The following ATP7A variants were observed in gnomAD, a reference collection of about 807,000 sequenced individuals.
ATP7A encodes the protein ATPase copper transporting alpha.
A neutral mutation model predicts 83.5 loss-of-function variants in ATP7A; 7 were observed. The ratio of observed to expected loss-of-function variants is 0.08; its 90% confidence interval spans 0.05 to 0.16. The LOEUF (loss-of-function observed/expected upper bound fraction) is 0.16, where lower values mean the gene tolerates loss of function less well. Ranked by LOEUF, ATP7A falls within the 10% of genes least tolerant of loss-of-function variation. The pLI, the probability that ATP7A is intolerant of heterozygous loss-of-function variation, is 1.00. For synonymous variants in ATP7A, 354 were observed against 395.2 expected (o/e 0.90, Z 1.24); for missense variants, 940 against 1,120.8 (o/e 0.84, Z 2.30).
chrX:77,997,314 A>G lies in ATP7A; in HGVS notation c.1337-1164A>G, dbSNP rs142806619. 7.5e-3 allele frequency among the ~76,000 whole-genome samples: 846 copies of G among 112,682 alleles called. 13 individuals carry two copies. The highest frequency in any genetic ancestry group is 0.026 in the African/African-American group (808 of 31,089). On this transcript the variant is annotated intron_variant, in intron 4 of 22. Coordinates refer to ENST00000341514, the MANE Select transcript of ATP7A (RefSeq NM_000052.7). ...GTATTGAGTCAGAACCTGCATTTTA[A>G]CAAGCTCCCCCAGGTGATTGTGTAT...
chrX:77,918,238 T>A (rs1027860850), intron 1 of ATP7A, among the ~76,000 whole-genome samples: 7 of 109,522 alleles, frequency 6.4e-5, no homozygotes, highest in Admixed American at 9.8e-5. Flanking sequence ...GGCTAATTTT[T>A]AAAATTTTTT....
chrX:77,941,041 A>G (rs923568808), intron 1 of ATP7A, among the ~76,000 whole-genome samples: 1 of 112,005 alleles, frequency 8.9e-6, no homozygotes, highest in Admixed American at 9.5e-5. Flanking sequence ...AATAAGTACT[A>G]TTTATATATG....
At chrX:78,001,423 TC>T (rs1226975409) in intron 5 of ATP7A, among the ~76,000 whole-genome samples, 29 of 93,583 alleles carry the variant, frequency 3.1e-4, no homozygotes, top group Non-Finnish European at 5.2e-4. Context: ...AAATGGGGTA[TC>T]CATCTCTTCA....
At chrX:78,043,732 A>G (rs1235292836) in intron 21 of ATP7A, among the ~76,000 whole-genome samples, 2 of 97,796 alleles carry the variant, frequency 2.0e-5, no homozygotes, top group Non-Finnish European at 4.0e-5. Flanking sequence ...ATCTCGGCTC[A>G]CTGCAGCCTC....
In ATP7A at chrX:78,046,725, C is replaced by T; in HGVS notation, c.*155C>T. 1.3e-6 allele frequency: 1 copy of T among 744,529 alleles called. No homozygotes were observed. Among genetic ancestry groups the T allele is most frequent in the Non-Finnish European group, 2.0e-6 (1 of 500,959 alleles). The allele number at this position is 744,529 out of a possible 1,213,427, so 61.4% of individuals were successfully genotyped here. On this transcript the variant is annotated 3_prime_UTR_variant, in exon 23 of 23. Coordinates refer to ENST00000341514, the MANE Select transcript of ATP7A (RefSeq NM_000052.7). The stretch of plus-strand genomic sequence containing the variant: ...TGCGTTTATCTGTTGGCAAAAATAT[C>T]TTTTTCAAGGCATCAGCTCTGAACC...
At chrX:77,915,461 A>C (rs1557222416) in intron 1 of ATP7A, among the ~76,000 whole-genome samples, 1 of 110,942 alleles carries the variant, frequency 9.0e-6, no homozygotes, top group East Asian at 2.8e-4. Flanking sequence ...AGTTCCTTCA[A>C]ATTTCTAAAA....
At chrX:77,970,627 G>A (rs1301624922) in intron 1 of ATP7A, among the ~76,000 whole-genome samples, 11 of 111,677 alleles carry the variant, frequency 9.8e-5, no homozygotes, top group South Asian at 3.8e-4. Flanking sequence ...AACTGAGATC[G>A]TGCCACAGCA....
intron 2 of ATP7A, among the ~76,000 whole-genome samples, chrX:77,984,081 C>A (rs2077621043): frequency 9.0e-6 from 1 of 111,219 alleles, no homozygotes; most frequent in South Asian, 3.7e-4. Context: ...GACAAGCTGT[C>A]GAAATATTGG....
At chrX:78,043,463 T>C in intron 21 of ATP7A, 29 bp downstream of exon 21, 1 of 1,086,467 alleles carries the variant, frequency 9.2e-7, no homozygotes, top group Non-Finnish European at 1.3e-6. Context: ...GTACTGCTTT[T>C]TCCACTAAAG....
chrX:77,942,086 T>C (rs782770554), intron 1 of ATP7A, among the ~76,000 whole-genome samples: 1 of 112,394 alleles, frequency 8.9e-6, no homozygotes, highest in African/African-American at 3.2e-5. Flanking sequence ...CATATTGTCT[T>C]AGTTATCCAG....
intron 14 of ATP7A, among the ~76,000 whole-genome samples, chrX:78,028,346 G>A (rs782259341): frequency 1.3e-4 from 14 of 110,963 alleles, no homozygotes; most frequent in Non-Finnish European, 2.1e-4. Context: ...GTGCCACCAT[G>A]CCCAGCTAAT....
intron 1 of ATP7A, among the ~76,000 whole-genome samples, chrX:77,920,509 G>A (rs187947787): frequency 1.6e-4 from 18 of 111,127 alleles, no homozygotes; most frequent in Admixed American, 7.7e-4. Flanking sequence ...GAGCCACCGC[G>A]CCCGGCTGAG....
intron 9 of ATP7A, 94 bp downstream of exon 9, chrX:78,011,768 G>C (rs1438677438): frequency 2.6e-5 from 22 of 832,755 alleles, no homozygotes; most frequent in Admixed American, 4.4e-5. Flanking sequence ...ACTGATGTTA[G>C]CTAGAAGTCT....
At position 78,046,452 on chromosome X, in the gene ATP7A, C is replaced by A; in HGVS notation, c.4385C>A (p.Ala1462Asp). ...GACCGGATTGTTAATTATAGCAGAG[C>A]CTCTATAAACTCACTACTGTCTGAT... ...LLDRIVNYSR[A>D]SINSLLSDKR... Residue 1462 changes from alanine (A) to aspartate (D), a missense_variant, in exon 23 of 23, where the codon GCC (alanine) becomes GAC (aspartate). By Grantham distance (126) the Ala-to-Asp change is moderately radical. Around this residue, in one of 3 missense-constraint regions of ATP7A, gnomAD observed 386 missense variants for 502.2 expected, o/e 0.77. Transcript: ENST00000341514. The A allele has an allele frequency of 8.3e-7, 1 of 1,211,008 alleles. No individual in the cohort carries two copies. The highest frequency in any genetic ancestry group is 1.1e-6 in the Non-Finnish European group (1 of 895,202).
At chrX:78,009,043 C>T in intron 6 of ATP7A, 59 bp from the exon 7 acceptor site, 5 of 923,959 alleles carry the variant, frequency 5.4e-6, no homozygotes, top group South Asian at 4.2e-5. Context: ...AAAGTGGTAA[C>T]TCATGTTTAA....
chrX:77,941,047 A>G (rs934903155), intron 1 of ATP7A, among the ~76,000 whole-genome samples: 1 of 111,881 alleles, frequency 8.9e-6, no homozygotes, highest in Non-Finnish European at 1.9e-5. Context: ...TACTATTTAT[A>G]TATGTTGTTA....
At chrX:78,002,231 A>C (rs2077744316) in intron 5 of ATP7A, among the ~76,000 whole-genome samples, 1 of 107,306 alleles carries the variant, frequency 9.3e-6, no homozygotes, top group Admixed American at 1.0e-4. Context: ...CACCATGCCC[A>C]GCTAATTTTT....
intron 1 of ATP7A, among the ~76,000 whole-genome samples, chrX:77,965,043 A>C (rs1359190589): frequency 1.8e-5 from 2 of 111,210 alleles, no homozygotes; most frequent in Non-Finnish European, 3.8e-5. Flanking sequence ...AACAATGTAA[A>C]AGCACTGGAC....
intron 9 of ATP7A, chrX:78,011,889 G>T (rs868964216): frequency 1.6e-4 from 70 of 436,311 alleles, no homozygotes; most frequent in Middle Eastern, 1.3e-3. Context: ...TTTTGGGTTT[G>T]GTATTTATAT....
Sources: gnomAD v4.1 joint callset for allele counts (sites outside exome capture counted in the v4.1 genomes callset) on GRCh38, gnomAD v4.1.1 for gene constraint, gnomAD v4.1.1 regional missense constraint, MANE v1.5 for transcripts, NCBI Gene and HGNC (gene_info 2026-07-23, HGNC 2026-07-21) for gene names.